The following FAAH2 variants were observed in gnomAD, a reference collection of about 807,000 sequenced individuals.
FAAH2 encodes fatty-acid amide hydrolase 2.
A neutral mutation model predicts 36.9 loss-of-function variants in FAAH2; 60 were observed. The observed-to-expected ratio is 1.63, with a 90% CI of 1.32 to 2.02. The LOEUF (loss-of-function observed/expected upper bound fraction) is 2.02, where lower values mean the gene tolerates loss of function less well. Among genes scored for constraint, FAAH2 ranks in the 30% most tolerant of loss-of-function variants. FAAH2 has a pLI of 0.00. For missense variants in FAAH2, 689 were observed against 397.5 expected, an observed-to-expected ratio of 1.73 and a Z score of -6.23; for synonymous variants, 214 against 143.8, an observed-to-expected ratio of 1.49 and a Z score of -3.49.
intron 7 of FAAH2, among the ~76,000 whole-genome samples, chrX:57,414,722 T>C (rs1183528941): frequency 1.8e-5 from 2 of 111,528 alleles, no homozygotes; most frequent in Non-Finnish European, 3.8e-5. Context: ...AGGATGATGC[T>C]GGACTCATAA....
At chrX:57,158,346 T>A in the FAAH2 span, among the ~76,000 whole-genome samples, 6 of 112,361 alleles carry the variant, frequency 5.3e-5, no homozygotes, top group African/African-American at 1.9e-4. Flanking sequence ...TGATTTATAA[T>A]CCTTTGGGTA....
the FAAH2 span, among the ~76,000 whole-genome samples, chrX:57,156,511 A>T: frequency 2.7e-5 from 3 of 111,513 alleles, no homozygotes; most frequent in South Asian, 3.8e-4. Context: ...CCTTGTTCAT[A>T]CTGAATCTTC....
chrX:57,295,641 G>A (rs963371761), intron 2 of FAAH2, among the ~76,000 whole-genome samples: 1 of 112,239 alleles, frequency 8.9e-6, no homozygotes, highest in Non-Finnish European at 1.9e-5. Context: ...CCGTGCATGA[G>A]CAGCAGCAGG....
At chrX:57,457,496 A>AC (rs1449473664) in intron 10 of FAAH2, among the ~76,000 whole-genome samples, 1 of 83,580 alleles carries the variant, frequency 1.2e-5, no homozygotes, top group Non-Finnish European at 2.2e-5. Context: ...ATAAAAAGAG[A>AC]GAAAATCAAA....
the FAAH2 span, among the ~76,000 whole-genome samples, chrX:57,138,875 T>TA: frequency 3.6e-5 from 4 of 112,391 alleles, no homozygotes; most frequent in East Asian, 1.1e-3. Flanking sequence ...GAGAAATGTC[T>TA]ACTCAGCTCT....
chrX:57,125,644 C>A, the FAAH2 span, among the ~76,000 whole-genome samples: 109 of 111,965 alleles, frequency 9.7e-4, no homozygotes, highest in Admixed American at 2.3e-3. Context: ...TATTTCTCAG[C>A]TTTTAGATGC....
At chrX:57,301,578 G>T (rs750754881) in intron 2 of FAAH2, among the ~76,000 whole-genome samples, 13 of 102,571 alleles carry the variant, frequency 1.3e-4, no homozygotes, top group Non-Finnish European at 1.6e-4. Context: ...AAACCTGCAC[G>T]TTGTGCACAT....
chrX:57,291,215 C>T (rs1321165830), intron 1 of FAAH2, among the ~76,000 whole-genome samples: 1 of 111,799 alleles, frequency 8.9e-6, no homozygotes, highest in Admixed American at 9.5e-5. Context: ...ATATTGTTTA[C>T]TACTGTACTT....
At chrX:57,464,068 C>T (rs777541272) in intron 10 of FAAH2, among the ~76,000 whole-genome samples, 4 of 112,131 alleles carry the variant, frequency 3.6e-5, no homozygotes, top group Non-Finnish European at 7.5e-5. Flanking sequence ...AAGTACTATG[C>T]AGCCATAAAA....
At chrX:57,364,947 G>C (rs1159075027) in intron 5 of FAAH2, among the ~76,000 whole-genome samples, 2 of 111,507 alleles carry the variant, frequency 1.8e-5, no homozygotes, top group Non-Finnish European at 3.8e-5. Flanking sequence ...TTTAAAATTA[G>C]TTTGGATGTG....
chrX:57,173,489 A>G, the FAAH2 span, among the ~76,000 whole-genome samples: 2 of 111,980 alleles, frequency 1.8e-5, no homozygotes, highest in Middle Eastern at 4.6e-3. Context: ...GGAGTCTTTA[A>G]TGTCTTCTAG....
chrX:57,128,294 C>A, the FAAH2 span, among the ~76,000 whole-genome samples: 1 of 111,469 alleles, frequency 9.0e-6, no homozygotes, highest in Non-Finnish European at 1.9e-5. Context: ...CTTTGTCTGG[C>A]CTTCCCCCAG....
chrX:57,145,045 TC>T, the FAAH2 span, among the ~76,000 whole-genome samples: 1 of 111,574 alleles, frequency 9.0e-6, no homozygotes, highest in South Asian at 3.7e-4. Context: ...TGTGCAGATA[TC>T]TTTTTTGTAT....
At chrX:57,440,137 GA>G (rs1206433247) in intron 8 of FAAH2, among the ~76,000 whole-genome samples, 1 of 111,523 alleles carries the variant, frequency 9.0e-6, no homozygotes, top group East Asian at 2.8e-4. Context: ...GTTCTGTGAA[GA>G]AAGTCATTGG....
chrX:57,427,181 G>A (rs973163060), intron 7 of FAAH2, among the ~76,000 whole-genome samples: 4 of 110,219 alleles, frequency 3.6e-5, no homozygotes, highest in South Asian at 3.8e-4. Context: ...TCCTAAGATT[G>A]AAACGGAAAA....
intron 7 of FAAH2, among the ~76,000 whole-genome samples, chrX:57,395,767 G>T (rs1026257921): frequency 9.0e-6 from 1 of 111,700 alleles, no homozygotes; most frequent in African/African-American, 3.3e-5. Context: ...TTTTATTGTG[G>T]ATTTATGCAT....
intron 3 of FAAH2, among the ~76,000 whole-genome samples, chrX:57,323,667 C>A (rs1356910168): frequency 1.0e-5 from 1 of 99,793 alleles, no homozygotes. Flanking sequence ...CCTTCACCCA[C>A]TTGTTGATGG....
At chrX:57,475,269 C>CA (rs1443360864) in intron 10 of FAAH2, among the ~76,000 whole-genome samples, 1 of 111,560 alleles carries the variant, frequency 9.0e-6, no homozygotes, top group African/African-American at 3.3e-5. Flanking sequence ...AGTATTTGCC[C>CA]ATGCCTATGT....
At chrX:57,225,837 G>T in the FAAH2 span, among the ~76,000 whole-genome samples, 2 of 111,819 alleles carry the variant, frequency 1.8e-5, no homozygotes, top group South Asian at 3.7e-4. Context: ...GTGAATATTT[G>T]TTTAAGATTA....
Sources: allele counts gnomAD v4.1 joint callset (sites outside exome capture counted in the v4.1 genomes callset), GRCh38; gene constraint gnomAD v4.1.1; transcripts MANE v1.5; gene names NCBI Gene and HGNC (gene_info 2026-07-23, HGNC 2026-07-21).